The following SLC19A1 variants were observed in gnomAD, a reference collection of about 807,000 sequenced individuals.
SLC19A1 encodes solute carrier family 19 member 1.
SLC19A1 carries 37 observed loss-of-function variants against 35.3 expected under a neutral mutation model. That is an observed-to-expected ratio of 1.05 (90% CI 0.81 to 1.38). The LOEUF (loss-of-function observed/expected upper bound fraction) is 1.38, where lower values mean the gene tolerates loss of function less well. Ranked by LOEUF, SLC19A1 falls within the 40% of genes most tolerant of loss-of-function variation. SLC19A1 has a pLI of 0.00. For synonymous variants in SLC19A1, 460 were observed against 398.5 expected (o/e 1.15, Z -1.84); for missense variants, 831 against 826.9 (o/e 1.00, Z -0.06).
intron 3 of SLC19A1, chr21:45,505,582 C>T: frequency 1.5e-6 from 1 of 679,620 alleles, no homozygotes; most frequent in South Asian, 1.6e-5. Flanking sequence ...GGGGCCAGGC[C>T]ATGGGGGAAT....
At chr21:45,505,789 C>CCCCGCCCT in intron 3 of SLC19A1, 1 of 1,336,784 alleles carries the variant, frequency 7.5e-7, no homozygotes, top group Admixed American at 1.9e-5. Context: ...CCGCCCCTGC[C>CCCCGCCCT]CCCCGCCCTC....
intron 1 of SLC19A1, among the ~76,000 whole-genome samples, chr21:45,549,806 G>C (rs1037886345): frequency 6.8e-6 from 1 of 146,144 alleles, no homozygotes; most frequent in African/African-American, 2.6e-5. Flanking sequence ...GAGGACAGGT[G>C]GGGGGTGGTG....
chr21:45,505,778 TC>T, intron 3 of SLC19A1: 1 of 1,280,846 alleles, frequency 7.8e-7, no homozygotes, highest in Admixed American at 2.0e-5. Flanking sequence ...ATTCCTTCCT[TC>T]CGCCCCTGCC....
chr21:45,508,071 AGATGGTGGACAGGTGGGTGAGTGGATG>A (rs1459814278), downstream of SLC19A1, among the ~76,000 whole-genome samples: 4 of 136,616 alleles, frequency 2.9e-5, no homozygotes, highest in South Asian at 2.7e-4. Flanking sequence ...ATGGATGAGT[AGATGGTGGACAGGTGGGTGAGTGGATG>A]GATGGTGGTC....
In SLC19A1 at chr21:45,505,358, C is replaced by CT. The variant is rs1284473913; in HGVS notation, c.498-6747dup. On this transcript the variant is annotated intron_variant, in intron 3 of 4. Transcript: ENST00000417954. Reference sequence around the variant, plus strand: ...TCCCACCTTGGTTTCTCTCCTGCAGCTATCAGCGTTCCCGGCCCTCCGGGC... The same window carrying CT: ...TCCCACCTTGGTTTCTCTCCTGCAGCTTATCAGCGTTCCCGGCCCTCCGGGC... 6 of 1,593,836 alleles carry CT rather than the reference C, an allele frequency of 3.8e-6. No individual in the cohort carries two copies. The South Asian group carries it at 6.6e-5, about 18-fold the overall frequency.
In SLC19A1 at chr21:45,518,982, CTTCTT is replaced by C. The variant is rs1289212823; in HGVS notation, c.1294-2847_1294-2843del. ...TTATGGGTAAATAAAACAGACTTTC[CTTCTT>C]TAGTTTCCTAAAATATGTTTGATGA... On this transcript the variant is annotated intron_variant, in intron 5 of 5. Coordinates refer to ENST00000311124, the MANE Select transcript of SLC19A1 (RefSeq NM_194255.4). Among the ~76,000 whole-genome samples the C allele has an allele frequency of 3.3e-5, 5 of 152,136 alleles. No individual in the cohort carries two copies. The South Asian group carries it at 1.0e-3, about 31-fold the overall frequency.
chr21:45,552,960 G>A (rs1306809162), intron 1 of SLC19A1, among the ~76,000 whole-genome samples: 2 of 151,824 alleles, frequency 1.3e-5, no homozygotes, highest in Non-Finnish European at 2.9e-5. Context: ...CCAGCTCTCC[G>A]TGGCGCCCCC....
chr21:45,518,332 GA>G (rs1291344549), intron 5 of SLC19A1, among the ~76,000 whole-genome samples: 3 of 151,830 alleles, frequency 2.0e-5, no homozygotes, highest in Non-Finnish European at 4.4e-5. Flanking sequence ...AAAATGGACT[GA>G]AAAAAAATGA....
At position 45,538,245 on chromosome 21, in the gene SLC19A1, G is replaced by A. The variant is rs559875172; in HGVS notation, c.-49-237C>T. Among the ~76,000 whole-genome samples, 77 of 152,370 alleles carry A rather than the reference G, an allele frequency of 5.1e-4. 3 individuals are homozygous for A. The South Asian group carries it at 0.015, about 30-fold the overall frequency. Reference sequence around the variant, plus strand: ...CACCACCTCCAGGGTCTCCGAGGCTGAGGGAAGTCTCCAGCCACATGGAGT... The same window carrying A: ...CACCACCTCCAGGGTCTCCGAGGCTAAGGGAAGTCTCCAGCCACATGGAGT... On this transcript the variant is annotated intron_variant, in intron 1 of 5. Transcript: ENST00000311124.
intron 5 of SLC19A1, among the ~76,000 whole-genome samples, chr21:45,522,450 AG>A (rs1332217884): frequency 6.6e-6 from 1 of 152,228 alleles, no homozygotes; most frequent in Admixed American, 6.5e-5. Flanking sequence ...TTTCCTGGAA[AG>A]AAACAAGCAA....
rs1283303389 is a variant in SLC19A1 at position 45,531,507 on chromosome 21, G to C, written c.831C>G (p.Asn277Lys). Residue 277 changes from asparagine to lysine, a missense_variant, in exon 3 of 6, where the codon AAC (asparagine) becomes AAG (lysine). Coordinates refer to ENST00000311124, the MANE Select transcript of SLC19A1 (RefSeq NM_194255.4). ...AGACCACCAGGTAGTAGCCGGCCGAGTTGAAGACCCACCAGAGGGACCACA... is the reference window on the plus strand; with the variant it reads ...AGACCACCAGGTAGTAGCCGGCCGACTTGAAGACCCACCAGAGGGACCACA... The part of the protein sequence containing the change: ...LRLWSLWWVF[N>K]SAGYYLVVYY... 3 of 1,612,698 alleles carry C rather than the reference G, an allele frequency of 1.9e-6. No individual in the cohort carries two copies. Among genetic ancestry groups the C allele is most frequent in the Non-Finnish European group, 2.5e-6 (3 of 1,179,756 alleles).
intron 4 of SLC19A1, among the ~76,000 whole-genome samples, chr21:45,528,323 C>T (rs1232776870): frequency 6.6e-6 from 1 of 151,986 alleles, no homozygotes; most frequent in African/African-American, 2.4e-5. Flanking sequence ...GAGTGTGGGG[C>T]GTGATGGGGG....
chr21:45,509,635 C>G (rs1568951421), downstream of SLC19A1: 11 of 1,165,048 alleles, frequency 9.4e-6, no homozygotes, highest in South Asian at 7.8e-5. Flanking sequence ...TTGGCTCCAT[C>G]TAGCCCCTCG....
intron 1 of SLC19A1, among the ~76,000 whole-genome samples, chr21:45,538,454 A>G (rs1026337411): frequency 1.3e-5 from 2 of 152,210 alleles, no homozygotes; most frequent in Non-Finnish European, 2.9e-5. Flanking sequence ...CTGCTGCTCT[A>G]GCGGCACCCA....
chr21:45,512,173 C>T (rs755035905), downstream of SLC19A1: 20 of 1,606,976 alleles, frequency 1.2e-5, no homozygotes, highest in East Asian at 6.7e-5. Context: ...ACTGACGGCC[C>T]GGCGCGTCTT....
chr21:45,504,660 G>GC (rs1359975247), intron 3 of SLC19A1: 1 of 982,776 alleles, frequency 1.0e-6, no homozygotes, highest in Non-Finnish European at 1.5e-6. Flanking sequence ...GGCCGGAGCT[G>GC]CCCCTGCAAG....
At chr21:45,521,355 G>C (rs927257240) in intron 5 of SLC19A1, among the ~76,000 whole-genome samples, 2 of 152,186 alleles carry the variant, frequency 1.3e-5, no homozygotes, top group Admixed American at 6.5e-5. Flanking sequence ...ACTACAAAAT[G>C]CTGAAAGAAA....
intron 1 of SLC19A1, among the ~76,000 whole-genome samples, chr21:45,558,613 C>A (rs948070125): frequency 6.6e-6 from 1 of 152,018 alleles, no homozygotes; most frequent in Non-Finnish European, 1.5e-5. Context: ...TTGGTTTGAG[C>A]GAGGGCAGGC....
At chr21:45,537,625 A>G (rs1269320812) in intron 2 of SLC19A1, 146 bp downstream of exon 2, 12 of 113,840 alleles carry the variant, frequency 1.1e-4, no homozygotes, top group African/African-American at 1.6e-4. Flanking sequence ...CCTGGCACCC[A>G]GCGCCCACGT....
Sources: gnomAD v4.1 joint callset for allele counts (sites outside exome capture counted in the v4.1 genomes callset) on GRCh38, gnomAD v4.1.1 for gene constraint, MANE v1.5 for transcripts, NCBI Gene and HGNC (gene_info 2026-07-23, HGNC 2026-07-21) for gene names.